The following POU2F3 variants were observed in gnomAD, a reference collection of about 807,000 sequenced individuals.
POU2F3 encodes POU domain, class 2, transcription factor 3.
Under a neutral mutation model 59.2 loss-of-function variants are expected in POU2F3, and 23 were observed. That is an observed-to-expected ratio of 0.39 (90% confidence interval 0.28 to 0.55). The LOEUF (loss-of-function observed/expected upper bound fraction) is 0.55. Ranked by LOEUF, POU2F3 falls within the 20% of genes least tolerant of loss-of-function variation. The probability of loss-of-function intolerance (pLI) is 0.66; values close to 1 mark genes in which losing one functional copy is unlikely to be tolerated. For missense variants in POU2F3, 473 were observed against 544.5 expected (o/e 0.87, Z 1.31); for synonymous variants, 190 against 214.6 (o/e 0.89, Z 1.00).
At position 120,310,747 on chromosome 11, in the gene POU2F3, C is replaced by T. The variant is rs1028904008; in HGVS notation, c.1068+1161C>T. On this transcript the variant is annotated intron_variant, in intron 10 of 12. Transcript: ENST00000543440. ...GGACACAGCTGTTTCCCAAAAACTA[C>T]ACCATTGTTGATTCTTTCACCAACC... 6.6e-5 allele frequency among the ~76,000 whole-genome samples: 10 copies of T among 152,198 alleles called. No homozygotes were observed. The East Asian group carries it at 1.9e-3, about 29-fold the overall frequency.
intron 2 of POU2F3, among the ~76,000 whole-genome samples, chr11:120,262,637 AT>A (rs36123899): frequency 6.6e-6 from 1 of 152,244 alleles, no homozygotes; most frequent in South Asian, 2.1e-4. Context: ...ATGCACACGC[AT>A]TTTTAATTGC....
At chr11:120,283,024 G>A (rs1311474182) in intron 3 of POU2F3, among the ~76,000 whole-genome samples, 1 of 152,196 alleles carries the variant, frequency 6.6e-6, no homozygotes, top group East Asian at 1.9e-4. Flanking sequence ...TCCTAGCTCT[G>A]GGCTGGGACT....
At position 120,298,470 on chromosome 11, in the gene POU2F3, TC is replaced by T. The variant is rs1432041182; in HGVS notation, c.258+81del. 15 of 1,573,872 alleles carry T rather than the reference TC, an allele frequency of 9.5e-6. No homozygotes were observed. In the African/African-American group the frequency reaches 1.6e-4, roughly 17 times the overall value. On this transcript the variant is annotated intron_variant, in intron 4 of 12. Coordinates refer to ENST00000543440, the MANE Select transcript of POU2F3 (RefSeq NM_014352.4). ...AATGCTCGACTTCCATGCTTGGTAC[TC>T]GTCTAAAGAACCCCCTGCAGGCAAT...
intron 10 of POU2F3, 29 bp downstream of exon 10, chr11:120,309,615 C>A: frequency 6.2e-7 from 1 of 1,607,094 alleles, no homozygotes; most frequent in Non-Finnish European, 8.5e-7. Flanking sequence ...AGCTGTCTGC[C>A]AAGCACTGGA....
intron 10 of POU2F3, among the ~76,000 whole-genome samples, chr11:120,314,427 G>A (rs552618516): frequency 6.6e-6 from 1 of 152,316 alleles, no homozygotes; most frequent in East Asian, 1.9e-4. Flanking sequence ...GCAGTTGACA[G>A]CTGCTTCTTC....
chr11:120,239,691 A>T (rs1028095813), upstream of POU2F3, among the ~76,000 whole-genome samples: 1 of 152,246 alleles, frequency 6.6e-6, no homozygotes, highest in Non-Finnish European at 1.5e-5. Context: ...CAGGTGAGTT[A>T]AATGAGCTCA....
upstream of POU2F3, among the ~76,000 whole-genome samples, chr11:120,239,940 A>G (rs1938592421): frequency 6.6e-6 from 1 of 152,202 alleles, no homozygotes; most frequent in Non-Finnish European, 1.5e-5. Flanking sequence ...CGCGGTGAGG[A>G]GGTGCTGCCA....
At chr11:120,274,790 G>C (rs1940253493) in intron 3 of POU2F3, among the ~76,000 whole-genome samples, 1 of 152,138 alleles carries the variant, frequency 6.6e-6, no homozygotes, top group Non-Finnish European at 1.5e-5. Context: ...AGAGGACCAA[G>C]GACAGACCTG....
At chr11:120,307,923 C>T (rs11605781) in intron 9 of POU2F3, among the ~76,000 whole-genome samples, 85,083 of 152,064 alleles carry the variant, frequency 0.56, 25,271 homozygotes, top group African/African-American at 0.74. Flanking sequence ...AGTGTATCTC[C>T]GTATCCAGTT....
At chr11:120,296,894 G>A (rs950721385) in intron 3 of POU2F3, among the ~76,000 whole-genome samples, 1 of 152,108 alleles carries the variant, frequency 6.6e-6, no homozygotes, top group Non-Finnish European at 1.5e-5. Context: ...TGTTTATAAG[G>A]AATTCTTTCT....
At chr11:120,258,365 G>C (rs1001863263) in intron 2 of POU2F3, among the ~76,000 whole-genome samples, 4 of 152,076 alleles carry the variant, frequency 2.6e-5, no homozygotes, top group African/African-American at 4.8e-5. Flanking sequence ...GAACTCCATG[G>C]GCTGTCATGA....
intron 4 of POU2F3, among the ~76,000 whole-genome samples, 158 bp downstream of exon 4, chr11:120,298,548 C>T (rs541707901): frequency 6.6e-6 from 1 of 152,236 alleles, no homozygotes; most frequent in African/African-American, 2.4e-5. Context: ...AGTCCTCTTA[C>T]AGGTGAAGCC....
intron 3 of POU2F3, among the ~76,000 whole-genome samples, chr11:120,288,119 C>G (rs369963419): frequency 8.2e-5 from 1 of 12,246 alleles, no homozygotes; most frequent in Non-Finnish European, 1.5e-4. Flanking sequence ...AGAAAACAAA[C>G]AAAAAAACCA....
Position 120,246,554 on chromosome 11 carries a change from G to A in POU2F3, c.97+37G>A, listed in dbSNP as rs752070967. On this transcript the variant is annotated intron_variant, in intron 2 of 12. Coordinates refer to ENST00000543440, the MANE Select transcript of POU2F3 (RefSeq NM_014352.4). ...CTCTTCTCGGGGATGGAGGGGGTGGGGGGAAGAGAGTTGTTGGGAATTGTT... is the reference window on the plus strand; with the variant it reads ...CTCTTCTCGGGGATGGAGGGGGTGGAGGGAAGAGAGTTGTTGGGAATTGTT... 1.0e-5 allele frequency: 16 copies of A among 1,601,304 alleles called. No homozygotes were observed. In the South Asian group the frequency reaches 1.5e-4, roughly 15 times the overall value.
intron 2 of POU2F3, among the ~76,000 whole-genome samples, chr11:120,253,944 T>A (rs1939225739): frequency 6.6e-6 from 1 of 152,082 alleles, no homozygotes; most frequent in Admixed American, 6.6e-5. Flanking sequence ...TCCCAGTCTG[T>A]CCTTTGCTGA....
At position 120,309,474 on chromosome 11, in the gene POU2F3, C is replaced by A; in HGVS notation, c.956C>A (p.Ser319Tyr). ...EEISMIAEQL[S>Y]MEKEVVRVWF... is the part of the protein sequence containing the mutation. ...ATCTCCATGATTGCAGAGCAGTTGT[C>A]CATGGAGAAGGAGGTGGTGAGGGTC... Residue 319 changes from serine (S) to tyrosine (Y), a missense_variant, in exon 10 of 13, where the codon TCC becomes TAC. Ser to Tyr is a moderately radical substitution (Grantham distance 144). Coordinates refer to ENST00000543440, the MANE Select transcript of POU2F3 (RefSeq NM_014352.4). 6.2e-7 allele frequency: 1 copy of A among 1,613,956 alleles called. No homozygotes were observed. Among genetic ancestry groups the A allele is most frequent in the East Asian group, 2.2e-5 (1 of 44,876 alleles).
intron 3 of POU2F3, among the ~76,000 whole-genome samples, chr11:120,274,087 G>GA (rs1940202846): frequency 9.6e-6 from 1 of 104,592 alleles, no homozygotes; most frequent in African/African-American, 4.0e-5. Flanking sequence ...AAGAGAGAAA[G>GA]AAAGGAAGGA....
chr11:120,305,369 G>A, intron 7 of POU2F3, 157 bp downstream of exon 7: 1 of 964,868 alleles, frequency 1.0e-6, no homozygotes, highest in Non-Finnish European at 1.5e-6. Flanking sequence ...GTTGCCATTG[G>A]TAGGGAAACT....
chr11:120,258,433 T>G (rs1939447576), intron 2 of POU2F3, among the ~76,000 whole-genome samples: 1 of 152,220 alleles, frequency 6.6e-6, no homozygotes, highest in South Asian at 2.1e-4. Context: ...TGCCATTTGC[T>G]GGTCGCATGA....
Sources: allele counts gnomAD v4.1 joint callset (sites outside exome capture counted in the v4.1 genomes callset), GRCh38; gene constraint gnomAD v4.1.1; transcripts MANE v1.5; gene names NCBI Gene and HGNC (gene_info 2026-07-23, HGNC 2026-07-21).